GALNT13: variants seen among roughly 807,000 people sequenced by gnomAD.
GALNT13 encodes polypeptide N-acetylgalactosaminyltransferase 13, also known as UDP-GalNAc:polypeptide N-acetylgalactosaminyltransferase 13.
Under a neutral mutation model 64.2 loss-of-function variants are expected in GALNT13, and 28 were observed. That is an observed-to-expected ratio of 0.44 (90% CI 0.32 to 0.60). The LOEUF (loss-of-function observed/expected upper bound fraction) is 0.60, where lower values mean the gene tolerates loss of function less well. Among genes scored for constraint, GALNT13 ranks in the 20% least tolerant of loss-of-function variants. The pLI is 0.05. For missense variants in GALNT13, 577 were observed against 669.8 expected (o/e 0.86, Z 1.53); for synonymous variants, 214 against 224.6 (o/e 0.95, Z 0.42).
chr2:154,217,772 T>C (rs1241576105), intron 4 of GALNT13, among the ~76,000 whole-genome samples: 2 of 152,136 alleles, frequency 1.3e-5, no homozygotes, highest in African/African-American at 4.8e-5. Flanking sequence ...TGCATGGAAG[T>C]ATATAAAGTG....
intron 4 of GALNT13, among the ~76,000 whole-genome samples, chr2:154,212,938 C>T (rs993423731): frequency 7.3e-5 from 11 of 151,646 alleles, no homozygotes; most frequent in Admixed American, 5.3e-4. Flanking sequence ...GTTATCTGGC[C>T]TTAAAATATA....
chr2:154,212,891 C>A (rs1687855180), intron 4 of GALNT13, among the ~76,000 whole-genome samples: 1 of 150,736 alleles, frequency 6.6e-6, no homozygotes, highest in Non-Finnish European at 1.5e-5. Context: ...TTTTATTAAT[C>A]TCAATGGTAG....
At chr2:153,511,294 G>A in the GALNT13 span, among the ~76,000 whole-genome samples, 1 of 151,846 alleles carries the variant, frequency 6.6e-6, no homozygotes, top group Non-Finnish European at 1.5e-5. Flanking sequence ...AAAAAAAAAG[G>A]GGCGGGGGTT....
chr2:153,371,840 A>G, the GALNT13 span, among the ~76,000 whole-genome samples: 2 of 152,184 alleles, frequency 1.3e-5, no homozygotes, highest in East Asian at 1.9e-4. Flanking sequence ...TGATCTTTGG[A>G]TACTTTTTAG....
the GALNT13 span, among the ~76,000 whole-genome samples, chr2:153,499,223 A>C: frequency 6.6e-6 from 1 of 152,204 alleles, no homozygotes; most frequent in Non-Finnish European, 1.5e-5. Flanking sequence ...CAAGGTGAAG[A>C]GGAGCTTCAC....
chr2:153,194,536 C>G, the GALNT13 span, among the ~76,000 whole-genome samples: 1 of 152,018 alleles, frequency 6.6e-6, no homozygotes. Context: ...GACTGCACTT[C>G]TTTAATATTA....
the GALNT13 span, among the ~76,000 whole-genome samples, chr2:153,276,768 A>C: frequency 1.3e-5 from 2 of 152,154 alleles, no homozygotes; most frequent in Admixed American, 1.3e-4. Flanking sequence ...TATTGATTAA[A>C]ATGAATTATT....
At chr2:153,127,640 T>A in the GALNT13 span, among the ~76,000 whole-genome samples, 1 of 152,216 alleles carries the variant, frequency 6.6e-6, no homozygotes, top group African/African-American at 2.4e-5. Context: ...CTTCTAGTTA[T>A]GTTTGACTCC....
the GALNT13 span, among the ~76,000 whole-genome samples, chr2:153,287,016 A>G: frequency 2.6e-5 from 4 of 152,226 alleles, no homozygotes; most frequent in African/African-American, 9.6e-5. Context: ...TTACAAAGAA[A>G]ATTTCCTTAT....
chr2:153,487,155 A>T, the GALNT13 span, among the ~76,000 whole-genome samples: 2 of 152,200 alleles, frequency 1.3e-5, no homozygotes, highest in African/African-American at 4.8e-5. Flanking sequence ...TTCAATTTAG[A>T]CTTGTATATT....
intron 3 of GALNT13, among the ~76,000 whole-genome samples, chr2:153,952,172 T>A (rs1692234416): frequency 1.3e-5 from 2 of 152,140 alleles, no homozygotes; most frequent in South Asian, 2.1e-4. Flanking sequence ...AATAGGTATT[T>A]GAGAGAATAG....
At chr2:153,297,192 T>C in the GALNT13 span, among the ~76,000 whole-genome samples, 1 of 152,200 alleles carries the variant, frequency 6.6e-6, no homozygotes, top group East Asian at 1.9e-4. Context: ...AGAGACTGTG[T>C]TACATTATTT....
Position 153,926,259 on chromosome 2 carries a change from A to G in GALNT13, c.-104-18135A>G, listed in dbSNP as rs1271619216. ...TTTATTTACATGAGATGAATATACA[A>G]TTTATTGGTGTTTTTTTCTTTTCTG... On this transcript the variant is annotated intron_variant, in intron 2 of 12. Coordinates refer to ENST00000392825, the MANE Select transcript of GALNT13 (RefSeq NM_052917.4). The G allele has an allele frequency of 2.0e-5, 3 of 152,182 alleles. No individual in the cohort carries two copies. In the East Asian group the frequency reaches 5.8e-4, roughly 29 times the overall value. 9.4% of individuals were successfully genotyped at this position (152,182 alleles called of 1,614,324 possible).
chr2:154,285,535 G>A (rs2105948476), intron 8 of GALNT13, among the ~76,000 whole-genome samples: 1 of 152,028 alleles, frequency 6.6e-6, no homozygotes, highest in East Asian at 1.9e-4. Context: ...TAAATACTTA[G>A]GTTTATTTCT....
chr2:154,104,061 G>A (rs1702484403), intron 3 of GALNT13, among the ~76,000 whole-genome samples: 2 of 152,048 alleles, frequency 1.3e-5, no homozygotes, highest in African/African-American at 4.8e-5. Context: ...GCCCAGGTGC[G>A]GGAGGAGACT....
At chr2:154,021,163 AG>A (rs1394627840) in intron 3 of GALNT13, among the ~76,000 whole-genome samples, 1 of 152,168 alleles carries the variant, frequency 6.6e-6, no homozygotes, top group Non-Finnish European at 1.5e-5. Flanking sequence ...CTTTTGGCTT[AG>A]GATTGACTTG....
chr2:154,266,508 T>TA (rs1040636977), intron 8 of GALNT13, among the ~76,000 whole-genome samples: 20 of 152,008 alleles, frequency 1.3e-4, no homozygotes, highest in African/African-American at 4.8e-4. Flanking sequence ...AAACATTATC[T>TA]AAAATAATGT....
the GALNT13 span, among the ~76,000 whole-genome samples, chr2:153,639,064 GTTTT>G: frequency 1.3e-5 from 2 of 151,304 alleles, no homozygotes; most frequent in East Asian, 3.9e-4. Flanking sequence ...GTTTTGTTTT[GTTTT>G]GTTTTGTTTT....
the GALNT13 span, among the ~76,000 whole-genome samples, chr2:153,539,275 G>T: frequency 1.3e-5 from 2 of 152,008 alleles, no homozygotes; most frequent in African/African-American, 4.8e-5. Flanking sequence ...TGAGTTCATT[G>T]TAGATTCTGG....
Sources: allele counts gnomAD v4.1 joint callset (sites outside exome capture counted in the v4.1 genomes callset), GRCh38; gene constraint gnomAD v4.1.1; transcripts MANE v1.5; gene names NCBI Gene and HGNC (gene_info 2026-07-23, HGNC 2026-07-21).